Variants in MND1 observed in about 807,000 individuals in gnomAD.
MND1 encodes meiotic nuclear division protein 1 homolog.
MND1 carries 28 observed loss-of-function variants against 35.1 expected under a neutral mutation model. The ratio of observed to expected loss-of-function variants is 0.80; its 90% confidence interval spans 0.59 to 1.09. MND1 has a LOEUF of 1.09. Among genes scored for constraint, MND1 ranks in the 50% least tolerant of loss-of-function variants. The pLI is 0.00. For missense variants in MND1, 213 were observed against 239.6 expected, an observed-to-expected ratio of 0.89 and a Z score of 0.73; for synonymous variants, 69 against 70.5, an observed-to-expected ratio of 0.98 and a Z score of 0.11.
At chr4:153,360,672 A>AT (rs1284097816) in intron 4 of MND1, among the ~76,000 whole-genome samples, 2 of 108,224 alleles carry the variant, frequency 1.8e-5, no homozygotes, top group Non-Finnish European at 3.6e-5. Context: ...TTTTATATAA[A>AT]TAAATAAATA....
intron 4 of MND1, among the ~76,000 whole-genome samples, chr4:153,360,807 A>AT (rs1001445664): frequency 2.6e-5 from 4 of 151,228 alleles, no homozygotes; most frequent in Non-Finnish European, 5.9e-5. Flanking sequence ...ATATATACAC[A>AT]TATATACATA....
At chr4:153,379,005 CG>C (rs1728586598) in intron 4 of MND1, among the ~76,000 whole-genome samples, 1 of 152,104 alleles carries the variant, frequency 6.6e-6, no homozygotes, top group African/African-American at 2.4e-5. Context: ...ACCACAAAAG[CG>C]GGCTGCGCGC....
At chr4:153,370,794 C>T (rs550286365) in intron 4 of MND1, among the ~76,000 whole-genome samples, 1 of 152,032 alleles carries the variant, frequency 6.6e-6, no homozygotes, top group African/African-American at 2.4e-5. Context: ...GCTGGGATTA[C>T]AGGCGGGAGC....
rs529166382 is a variant in MND1, at chr4:153,359,763, A to C, written c.276+1141A>C. Among the ~76,000 whole-genome samples, 96 of 148,022 alleles carry C rather than the reference A, an allele frequency of 6.5e-4. 1 individual carries two copies. The highest frequency in any genetic ancestry group is 7.2e-3 in the Middle Eastern group (2 of 278). ...TTTTAAATTGCCATTCTCTAATGAC[A>C]TATGATTTGGAAGATCTTTTTTTTT... On this transcript the variant is annotated intron_variant, in intron 4 of 7. Coordinates refer to ENST00000240488, the MANE Select transcript of MND1 (RefSeq NM_032117.4).
chr4:153,376,649 A>T (rs916552955), intron 4 of MND1, among the ~76,000 whole-genome samples: 1 of 152,134 alleles, frequency 6.6e-6, no homozygotes, highest in African/African-American at 2.4e-5. Flanking sequence ...ACTGACTTGA[A>T]ATGCACATTT....
intron 7 of MND1, among the ~76,000 whole-genome samples, chr4:153,414,368 GC>G (rs1729776421): frequency 6.8e-6 from 1 of 147,694 alleles, no homozygotes; most frequent in Non-Finnish European, 1.5e-5. Context: ...CACAACCTCC[GC>G]CTCCCAGGTT....
intron 4 of MND1, among the ~76,000 whole-genome samples, chr4:153,386,285 G>A (rs1054637785): frequency 1.3e-5 from 2 of 149,694 alleles, no homozygotes; most frequent in Non-Finnish European, 3.0e-5. Flanking sequence ...GAGACCAGGA[G>A]TCTGAGACCA....
intron 5 of MND1, among the ~76,000 whole-genome samples, chr4:153,395,178 A>G (rs946686719): frequency 6.6e-6 from 1 of 152,248 alleles, no homozygotes; most frequent in Non-Finnish European, 1.5e-5. Context: ...TCATTTCTGA[A>G]GAATATTCAA....
intron 1 of MND1, among the ~76,000 whole-genome samples, chr4:153,348,706 T>C (rs1773134924): frequency 6.6e-6 from 1 of 152,184 alleles, no homozygotes; most frequent in African/African-American, 2.4e-5. Flanking sequence ...AGACAGTGTC[T>C]TGCTTTGTTG....
At chr4:153,352,774 C>T (rs1012604275) in intron 2 of MND1, among the ~76,000 whole-genome samples, 13 of 146,780 alleles carry the variant, frequency 8.9e-5, no homozygotes, top group African/African-American at 1.3e-4. Context: ...AAAAACACAA[C>T]GATATTATCT....
intron 6 of MND1, among the ~76,000 whole-genome samples, chr4:153,402,521 G>A (rs1729371370): frequency 6.6e-6 from 1 of 152,180 alleles, no homozygotes; most frequent in African/African-American, 2.4e-5. Flanking sequence ...AATGAGCTTT[G>A]TGGTATTGAA....
intron 1 of MND1, chr4:153,345,605 G>C: frequency 1.1e-6 from 1 of 884,860 alleles, no homozygotes; most frequent in African/African-American, 1.8e-5. Flanking sequence ...AGTTGGCGAA[G>C]AATCAACATC....
In MND1 at chr4:153,344,858, G is replaced by C; in HGVS notation, c.3+118G>C. ...GACCGCCATTCCGGGCCGCGGGAGC[G>C]GTCGCCCGGCTCTCGGCCTCACCGT... On this transcript the variant is annotated intron_variant, in intron 1 of 7. Transcript: ENST00000240488. 6 of 1,491,826 alleles carry C rather than the reference G, an allele frequency of 4.0e-6. No individual in the cohort carries two copies. In the South Asian group the frequency reaches 7.6e-5, roughly 19 times the overall value. 92.4% of individuals were successfully genotyped at this position (1,491,826 alleles called of 1,614,324 possible).
At chr4:153,345,162 G>GCC (rs1554008235) in intron 1 of MND1, among the ~76,000 whole-genome samples, 3,131 of 152,116 alleles carry the variant, frequency 0.021, 101 homozygotes, top group African/African-American at 0.07. Flanking sequence ...GCGTGGTGTA[G>GCC]CCCCCCCCAT....
intron 4 of MND1, among the ~76,000 whole-genome samples, chr4:153,370,331 G>A (rs1773760002): frequency 6.6e-6 from 1 of 151,990 alleles, no homozygotes; most frequent in African/African-American, 2.4e-5. Flanking sequence ...TAAGATTGCA[G>A]CAATTCAGTC....
chr4:153,397,109 T>TA, intron 5 of MND1, 110 bp from the exon 6 acceptor site: 1 of 671,090 alleles, frequency 1.5e-6, no homozygotes. Context: ...GTCAAAAGTC[T>TA]AATGCACATC....
rs150348543 is a variant in MND1 at position 153,369,211 on chromosome 4, G to T, written c.276+10589G>T. Among the ~76,000 whole-genome samples the T allele has an allele frequency of 8.1e-3, 1,231 of 152,360 alleles. 15 individuals are homozygous for T. Among genetic ancestry groups the T allele is most frequent in the Non-Finnish European group, 0.012 (834 of 68,048 alleles). ...GGTTTTCTCCGTAGTACAGCTCACAGTATGGCAGCTGGCTTCTCTCAAAGC... is the reference window on the plus strand; with the variant it reads ...GGTTTTCTCCGTAGTACAGCTCACATTATGGCAGCTGGCTTCTCTCAAAGC... On this transcript the variant is annotated intron_variant, in intron 4 of 7. Transcript: ENST00000240488.
intron 4 of MND1, among the ~76,000 whole-genome samples, chr4:153,379,268 C>A (rs1416115901): frequency 2.3e-5 from 3 of 127,908 alleles, no homozygotes; most frequent in African/African-American, 9.2e-5. Context: ...CCAGCCTGGG[C>A]GACAGAGCGA....
chr4:153,386,577 G>A (rs145935581), intron 4 of MND1, among the ~76,000 whole-genome samples: 114 of 152,036 alleles, frequency 7.5e-4, no homozygotes, highest in African/African-American at 4.1e-4. Context: ...TTAGTCAGGC[G>A]TGGTGGCATA....
Sources: gnomAD v4.1 joint callset for allele counts (sites outside exome capture counted in the v4.1 genomes callset) on GRCh38, gnomAD v4.1.1 for gene constraint, MANE v1.5 for transcripts, NCBI Gene and HGNC (gene_info 2026-07-23, HGNC 2026-07-21) for gene names.